Variants in NEURL1 observed in about 807,000 individuals in gnomAD.
NEURL1 encodes E3 ubiquitin-protein ligase NEURL1.
Under a neutral mutation model 41.2 loss-of-function variants are expected in NEURL1, and 26 were observed. That is an observed-to-expected ratio of 0.63 (90% CI 0.46 to 0.87). The LOEUF is 0.87. Ranked by LOEUF, NEURL1 falls within the 40% of genes least tolerant of loss-of-function variation. NEURL1 has a pLI of 0.00. For missense variants in NEURL1, 761 were observed against 871.1 expected (o/e 0.87, Z 1.59); for synonymous variants, 400 against 402.3 (o/e 0.99, Z 0.07).
At chr10:103,530,231 C>T (rs2034541841) in intron 1 of NEURL1, among the ~76,000 whole-genome samples, 1 of 151,824 alleles carries the variant, frequency 6.6e-6, no homozygotes, top group Admixed American at 6.6e-5. Context: ...TTTCCCACTA[C>T]TAACTTTGTG....
Position 103,584,685 on chromosome 10 carries a change from C to G in NEURL1, c.799C>G (p.Pro267Ala). The G allele has an allele frequency of 7.0e-7, 1 of 1,431,970 alleles. No individual in the cohort carries two copies. The highest frequency in any genetic ancestry group is 1.5e-5 in the African/African-American group (1 of 67,102). The allele number at this position is 1,431,970 out of a possible 1,614,324, so 88.7% of individuals were successfully genotyped here. A position where few individuals can be genotyped will look rare whatever the true frequency, so the allele number is the denominator to read the frequency against. The change falls in exon 4 of 6, where the codon CCG becomes GCG. Residue 267 changes from proline (P) to alanine (A), a missense_variant. Physicochemically the swap from Pro to Ala is conservative, Grantham distance 27. This residue lies in a region of NEURL1 where 443 missense variants were observed against 408.1 expected (regional missense o/e 1.09). Coordinates refer to ENST00000369780, the MANE Select transcript of NEURL1 (RefSeq NM_004210.5). Reference protein sequence around the residue: ...VPGADGDEAAPAAGCPIPQNS... With the variant: ...VPGADGDEAAAAAGCPIPQNS... ...GGGCGCGGACGGCGACGAGGCCGCG[C>G]CGGCCGCCGGCTGCCCCATCCCGCA...
intron 1 of NEURL1, among the ~76,000 whole-genome samples, chr10:103,519,122 C>T (rs1439657831): frequency 6.6e-6 from 1 of 152,004 alleles, no homozygotes; most frequent in Non-Finnish European, 1.5e-5. Flanking sequence ...TGGCGGGTGC[C>T]TGTAATCCCA....
chr10:103,537,011 T>C (rs914080191), intron 1 of NEURL1, among the ~76,000 whole-genome samples: 1 of 152,220 alleles, frequency 6.6e-6, no homozygotes, highest in Non-Finnish European at 1.5e-5. Context: ...AGTGGAATCA[T>C]ACAGTATTTG....
At chr10:103,557,544 G>C (rs1347776832) in intron 1 of NEURL1, among the ~76,000 whole-genome samples, 1 of 152,182 alleles carries the variant, frequency 6.6e-6, no homozygotes, top group Non-Finnish European at 1.5e-5. Context: ...TCCCAGGCGG[G>C]GCCTCCCTTA....
intron 1 of NEURL1, among the ~76,000 whole-genome samples, chr10:103,506,474 G>A (rs2033947551): frequency 6.6e-6 from 1 of 152,146 alleles, no homozygotes. Flanking sequence ...ACATACTCAG[G>A]GCCCTGCCTT....
chr10:103,522,306 T>C (rs1249834313), intron 1 of NEURL1, among the ~76,000 whole-genome samples: 3 of 152,056 alleles, frequency 2.0e-5, no homozygotes, highest in African/African-American at 7.2e-5. Flanking sequence ...TCTTCATTTT[T>C]ATGTTCTTAA....
At chr10:103,551,297 A>ATTT (rs528332099) in intron 1 of NEURL1, among the ~76,000 whole-genome samples, 6,973 of 118,534 alleles carry the variant, frequency 0.059, 939 homozygotes, top group African/African-American at 0.24. Context: ...GGTCAAATGA[A>ATTT]TTTTTTTTTT....
chr10:103,562,181 G>A (rs543028384), intron 1 of NEURL1, among the ~76,000 whole-genome samples: 48 of 152,278 alleles, frequency 3.2e-4, no homozygotes, highest in African/African-American at 1.1e-3. Context: ...TCAGGAGTTC[G>A]AGACCAGCCT....
chr10:103,559,255 G>A (rs1388162931), intron 1 of NEURL1, among the ~76,000 whole-genome samples: 5 of 152,168 alleles, frequency 3.3e-5, no homozygotes, highest in South Asian at 2.1e-4. Context: ...GGGGAGCTCC[G>A]GAGCTTGAAG....
intron 1 of NEURL1, chr10:103,555,423 C>G: frequency 7.4e-7 from 1 of 1,357,106 alleles, no homozygotes; most frequent in South Asian, 1.2e-5. Context: ...GGTAAGGCCC[C>G]GCGGATGCCT....
At chr10:103,544,939 G>A (rs962533984) in intron 1 of NEURL1, among the ~76,000 whole-genome samples, 2 of 152,208 alleles carry the variant, frequency 1.3e-5, no homozygotes, top group Non-Finnish European at 2.9e-5. Context: ...CTCAGGGCCT[G>A]CCTGGAACTC....
At chr10:103,559,211 A>G (rs777028009) in intron 1 of NEURL1, among the ~76,000 whole-genome samples, 4 of 152,090 alleles carry the variant, frequency 2.6e-5, no homozygotes, top group Non-Finnish European at 5.9e-5. Context: ...GGAGCTACCT[A>G]TCTCCCGGCA....
At chr10:103,542,413 C>G (rs1176909050) in intron 1 of NEURL1, among the ~76,000 whole-genome samples, 1 of 152,158 alleles carries the variant, frequency 6.6e-6, no homozygotes, top group Non-Finnish European at 1.5e-5. Context: ...ACACACACCA[C>G]CATGCCCAGC....
At chr10:103,541,805 A>G (rs887173992) in intron 1 of NEURL1, among the ~76,000 whole-genome samples, 5 of 152,218 alleles carry the variant, frequency 3.3e-5, no homozygotes, top group Admixed American at 1.3e-4. Flanking sequence ...TGTACTATGC[A>G]GAAAACCGGA....
intron 4 of NEURL1, among the ~76,000 whole-genome samples, chr10:103,587,072 A>G (rs1240348747): frequency 6.6e-6 from 1 of 152,084 alleles, no homozygotes; most frequent in East Asian, 1.9e-4. Context: ...GAGAGAGAGA[A>G]AGAAAGAGAA....
chr10:103,495,153 C>T (rs2033653284), intron 1 of NEURL1, among the ~76,000 whole-genome samples: 1 of 152,192 alleles, frequency 6.6e-6, no homozygotes, highest in Non-Finnish European at 1.5e-5. Context: ...CTCAGGGTGG[C>T]CCTAGGCCCA....
intron 1 of NEURL1, among the ~76,000 whole-genome samples, chr10:103,540,108 T>C (rs1222945522): frequency 6.6e-6 from 1 of 152,150 alleles, no homozygotes; most frequent in Non-Finnish European, 1.5e-5. Flanking sequence ...AAAAGCAATG[T>C]TATTTCTGTT....
At position 103,558,577 on chromosome 10, in the gene NEURL1, C is replaced by T. The variant is rs908674699; in HGVS notation, c.86-12295C>T. Among the ~76,000 whole-genome samples the T allele has an allele frequency of 2.0e-5, 3 of 150,240 alleles. No individual in the cohort carries two copies. The highest frequency in any genetic ancestry group is 4.9e-5 in the African/African-American group (2 of 40,538). Reference sequence around the variant, plus strand: ...GGGGCTGGTGGTGAGGAGTCGGGCTCCTCTGGGACCAGCCTGGCAGGAGAC... The same window carrying T: ...GGGGCTGGTGGTGAGGAGTCGGGCTTCTCTGGGACCAGCCTGGCAGGAGAC... On this transcript the variant is annotated intron_variant, in intron 1 of 5. Transcript: ENST00000369780. This position sits in a 1 kb window ranked among gnomAD's most constrained non-coding sequence, Gnocchi z 4.2.
intron 3 of NEURL1, 87 bp from the exon 4 acceptor site, chr10:103,584,449 G>C: frequency 1.2e-6 from 1 of 849,412 alleles, no homozygotes; most frequent in African/African-American, 1.8e-5. Context: ...GGATTGTAAC[G>C]GTGCGCGCGT....
Sources: allele counts gnomAD v4.1 joint callset (sites outside exome capture counted in the v4.1 genomes callset), GRCh38; gene constraint gnomAD v4.1.1; regional missense constraint gnomAD v4.1.1; non-coding constraint Gnocchi (gnomAD v3.1); transcripts MANE v1.5; gene names NCBI Gene and HGNC (gene_info 2026-07-23, HGNC 2026-07-21).